Variants in SNURF observed in about 807,000 individuals in gnomAD.
The protein encoded by SNURF is SNRPN upstream open reading frame.
In SNURF, 6 loss-of-function variants were observed where a neutral mutation model predicts 11.6. The ratio of observed to expected loss-of-function variants is 0.52; its 90% confidence interval spans 0.28 to 1.02. The LOEUF (loss-of-function observed/expected upper bound fraction) is 1.02. SNURF is among the 50% of genes least tolerant of loss of function. SNURF has a pLI of 0.09. For missense variants in SNURF, 84 were observed against 88.4 expected, an observed-to-expected ratio of 0.95 and a Z score of 0.20; for synonymous variants, 29 against 31.6, an observed-to-expected ratio of 0.92 and a Z score of 0.27.
chr15:24,974,670 G>C, intron 3 of SNURF: 9 of 628,742 alleles, frequency 1.4e-5, no homozygotes, highest in Non-Finnish European at 2.0e-5. Flanking sequence ...TCCCAGTCTG[G>C]AGTGCAGTGG....
At chr15:24,976,357 G>A in exon 5 of SNURF, 1 of 1,613,300 alleles carries the variant, frequency 6.2e-7, no homozygotes, top group Non-Finnish European at 8.5e-7. Context: ...TTTGGGTCTG[G>A]TGTTGCTGCG....
downstream of SNURF, among the ~76,000 whole-genome samples, chr15:24,969,695 G>T (rs1297854865): frequency 6.6e-6 from 1 of 152,128 alleles, no homozygotes; most frequent in Non-Finnish European, 1.5e-5. Flanking sequence ...ATTATAGTCT[G>T]CAAGTAGGAC....
chr15:24,972,069 A>G (rs1437398088), downstream of SNURF, among the ~76,000 whole-genome samples: 1 of 152,114 alleles, frequency 6.6e-6, no homozygotes, highest in Admixed American at 6.6e-5. Context: ...TAGCCTGGCC[A>G]ACGTAGCGAA....
At chr15:24,960,419 C>A (rs2074580159) in intron 1 of SNURF, among the ~76,000 whole-genome samples, 1 of 152,012 alleles carries the variant, frequency 6.6e-6, no homozygotes, top group Admixed American at 6.6e-5. Context: ...CAGGTCACTG[C>A]AACCTCTGCC....
chr15:24,960,692 A>G (rs1280174108), intron 1 of SNURF, among the ~76,000 whole-genome samples: 4 of 152,184 alleles, frequency 2.6e-5, no homozygotes, highest in African/African-American at 7.2e-5. Flanking sequence ...AGGACTGTCT[A>G]TTCAAGTGTT....
At chr15:24,978,463 C>G (rs773471460), downstream of SNURF, 23 of 1,611,564 alleles carry the variant, frequency 1.4e-5, no homozygotes, top group Non-Finnish European at 1.9e-5. Flanking sequence ...TGATCCATCT[C>G]AGTCACTTTT....
intron 2 of SNURF, among the ~76,000 whole-genome samples, chr15:24,965,863 TTA>T (rs1333690991): frequency 6.8e-6 from 1 of 147,268 alleles, no homozygotes; most frequent in African/African-American, 2.7e-5. Context: ...CAAGATAACA[TTA>T]TATATATTTT....
rs139044927 is a variant in SNURF, at chr15:24,974,659, C to T, written c.*46-699C>T. On this transcript the variant is annotated intron_variant and NMD_transcript_variant, in intron 3 of 6. Coordinates refer to the SNURF transcript ENST00000580062. ...TTTTTCAGACGGGGTCTTGCTCTGT[C>T]TCCCAGTCTGGAGTGCAGTGGTGCG... 0.013 allele frequency: 8,216 copies of T among 641,364 alleles called. 489 individuals carry two copies. In the African/African-American group the frequency reaches 0.13, roughly 10 times the overall value. 39.7% of individuals were successfully genotyped at this position (641,364 alleles called of 1,614,324 possible).
chr15:24,976,450 T>C, intron 5 of SNURF: 1 of 1,363,956 alleles, frequency 7.3e-7, no homozygotes, highest in Non-Finnish European at 1.0e-6. Context: ...AGAACTTTAA[T>C]TTGCAGGGAC....
At chr15:24,974,371 A>T in intron 3 of SNURF, 1 of 1,324,094 alleles carries the variant, frequency 7.6e-7, no homozygotes, top group Non-Finnish European at 1.1e-6. Flanking sequence ...AACCTGCGTC[A>T]TACCTTTATC....
downstream of SNURF, among the ~76,000 whole-genome samples, chr15:24,970,574 T>C (rs886433010): frequency 6.6e-6 from 1 of 152,098 alleles, no homozygotes; most frequent in African/African-American, 2.4e-5. Context: ...GCAAGACTTC[T>C]ATCTCAAAAA....
Position 24,955,013 on chromosome 15 carries a change from CCTGACGCATCTGTCT to C in SNURF, c.-35_-21del. On this transcript the variant is annotated 5_prime_UTR_variant, in exon 1 of 3. It removes the in-frame stop codon of an upstream open reading frame in the 5' UTR. Coordinates refer to ENST00000577949, the Ensembl canonical transcript of SNURF. Reference sequence around the variant, plus strand: ...CAGAGTGGAGCGGCCGCCGGAGATGCCTGACGCATCTGTCTGAGGAGCGGTCAGTGACGCGATGGA... The same window carrying C: ...CAGAGTGGAGCGGCCGCCGGAGATGCGAGGAGCGGTCAGTGACGCGATGGA... The C allele has an allele frequency of 6.2e-7, 1 of 1,612,136 alleles. No individual in the cohort carries two copies. The highest frequency in any genetic ancestry group is 8.5e-7 in the Non-Finnish European group (1 of 1,179,820).
intron 2 of SNURF, among the ~76,000 whole-genome samples, chr15:24,963,877 A>C (rs2075234233): frequency 6.6e-6 from 1 of 151,966 alleles, no homozygotes; most frequent in Non-Finnish European, 1.5e-5. Context: ...TCTACAGAAA[A>C]ATAAATTAGC....
rs767992679 is a variant in SNURF, at chr15:24,976,978, C to T, written c.*411C>T. ...CAGCTGGTGTGCCAATTCCCCAGGCCCCTGCTGGATTGGCAGGCCCTGTCC... is the reference window on the plus strand; with the variant it reads ...CAGCTGGTGTGCCAATTCCCCAGGCTCCTGCTGGATTGGCAGGCCCTGTCC... On this transcript the variant is annotated 3_prime_UTR_variant and NMD_transcript_variant, in exon 6 of 7. Transcript: ENST00000580062. 16 of 1,603,576 alleles carry T rather than the reference C, an allele frequency of 1.0e-5. No individual in the cohort carries two copies. The African/African-American group carries it at 1.6e-4, about 16-fold the overall frequency.
At chr15:24,956,588 G>A (rs2062948004) in intron 1 of SNURF, among the ~76,000 whole-genome samples, 1 of 152,214 alleles carries the variant, frequency 6.6e-6, no homozygotes, top group African/African-American at 2.4e-5. Context: ...AGTGGGGCGA[G>A]ACGTGGGGCA....
chr15:24,976,405 C>T (rs1417751590), exon 5 of SNURF: 3 of 1,604,530 alleles, frequency 1.9e-6, no homozygotes, highest in African/African-American at 1.3e-5. Flanking sequence ...GGAGGGGCCA[C>T]CCCCCAAAGA....
intron 2 of SNURF, among the ~76,000 whole-genome samples, chr15:24,967,633 C>G (rs1263395344): frequency 2.1e-5 from 3 of 140,296 alleles, no homozygotes; most frequent in African/African-American, 8.1e-5. Flanking sequence ...CAGAGTGAGA[C>G]TCTGTCTTAA....
In SNURF at chr15:24,966,492, C is replaced by T. The variant is rs536668358; in HGVS notation, c.111-1440C>T. On this transcript the variant is annotated intron_variant, in intron 2 of 2. Coordinates refer to ENST00000577949, the Ensembl canonical transcript of SNURF. The stretch of plus-strand genomic sequence containing the variant: ...GAATCACTGGACATGTCACTGAATT[C>T]AGTCAGCAACTCTCCTGCCCTCCCA... Among the ~76,000 whole-genome samples the T allele has an allele frequency of 1.7e-3, 260 of 152,240 alleles. 1 individual carries two copies. The highest frequency in any genetic ancestry group is 5.2e-3 in the African/African-American group (218 of 41,554).
chr15:24,978,493 T>C (rs751103806), downstream of SNURF: 3 of 1,534,662 alleles, frequency 2.0e-6, no homozygotes, highest in Non-Finnish European at 2.7e-6. Context: ...ATGCGTCTTG[T>C]GAAATTGTGT....
Sources: allele counts gnomAD v4.1 joint callset (sites outside exome capture counted in the v4.1 genomes callset), GRCh38; gene constraint gnomAD v4.1.1; transcripts MANE v1.5; gene names NCBI Gene and HGNC (gene_info 2026-07-23, HGNC 2026-07-21).